Variants in COL11A1 observed in about 807,000 individuals in gnomAD.
The protein encoded by COL11A1 is collagen alpha-1(XI) chain.
Under a neutral mutation model 265.2 loss-of-function variants are expected in COL11A1, and 74 were observed. That is an observed-to-expected ratio of 0.28 (90% CI 0.23 to 0.34). The LOEUF is 0.34. COL11A1 is among the 10% of genes least tolerant of loss of function. The pLI is 1.00. For synonymous variants in COL11A1, 816 were observed against 727.6 expected (o/e 1.12, Z -1.96); for missense variants, 2,165 against 2,263.6 (o/e 0.96, Z 0.88).
Position 102,923,351 on chromosome 1 carries a change from C to G in COL11A1, c.3639G>C (p.Gly1213=). ...AAAAACTTACCATGGGACCAACATC[C>G]CCATTTTCACCTTTTTCACCAGGTG... ...PGPPGEKGEN[G]DVGPMGPPGP... The change falls in exon 47 of 67, where the codon GGG becomes GGC. Residue 1213 remains glycine, a synonymous_variant. Transcript: ENST00000370096. 6.2e-7 allele frequency: 1 copy of G among 1,606,654 alleles called. No homozygotes were observed. Among genetic ancestry groups the G allele is most frequent in the Non-Finnish European group, 8.5e-7 (1 of 1,175,726 alleles).
At chr1:102,939,619 G>A (rs756589235) in intron 43 of COL11A1, among the ~76,000 whole-genome samples, 2 of 151,890 alleles carry the variant, frequency 1.3e-5, no homozygotes, top group Non-Finnish European at 2.9e-5. Context: ...TGGGAGGATC[G>A]CTCAAGTCCA....
intron 20 of COL11A1, among the ~76,000 whole-genome samples, chr1:103,003,918 G>T (rs1665363216): frequency 6.6e-6 from 1 of 152,048 alleles, no homozygotes; most frequent in African/African-American, 2.4e-5. Context: ...TCTAAAATGT[G>T]GCGCAAGGTA....
chr1:103,072,672 T>C (rs78395916), intron 4 of COL11A1, among the ~76,000 whole-genome samples: 7,902 of 151,896 alleles, frequency 0.052, 222 homozygotes, highest in Middle Eastern at 0.093. Context: ...TTTCTAAATT[T>C]GGACTAAACA....
chr1:103,002,588 CATG>C (rs1169475242), intron 22 of COL11A1, 107 bp from the exon 23 acceptor site: 1 of 1,162,240 alleles, frequency 8.6e-7, no homozygotes, highest in African/African-American at 1.5e-5. Flanking sequence ...AGTTTTCCCT[CATG>C]AGATTCTGGA....
At chr1:102,929,572 C>T (rs1045134031) in intron 46 of COL11A1, among the ~76,000 whole-genome samples, 19 of 152,002 alleles carry the variant, frequency 1.2e-4, no homozygotes, top group South Asian at 2.1e-4. Flanking sequence ...CTTGGCAATG[C>T]GGGCTCTTTT....
chr1:103,034,167 A>G (rs1027854956), intron 4 of COL11A1, among the ~76,000 whole-genome samples: 1 of 152,046 alleles, frequency 6.6e-6, no homozygotes, highest in African/African-American at 2.4e-5. Flanking sequence ...TTTGATTATG[A>G]TGTATCTGGA....
chr1:102,947,186 G>A (rs986405697), intron 41 of COL11A1, among the ~76,000 whole-genome samples: 1 of 151,942 alleles, frequency 6.6e-6, no homozygotes, highest in Non-Finnish European at 1.5e-5. Flanking sequence ...TTGATGAGAT[G>A]AAAAAATACA....
chr1:102,972,360 A>G (rs549872535), intron 36 of COL11A1, among the ~76,000 whole-genome samples: 3 of 152,322 alleles, frequency 2.0e-5, no homozygotes, highest in African/African-American at 7.2e-5. Context: ...ATTGCAAAAT[A>G]TTATAATACT....
At chr1:102,934,361 G>T (rs1052981270) in intron 46 of COL11A1, 88 bp downstream of exon 46, 3 of 965,830 alleles carry the variant, frequency 3.1e-6, no homozygotes, top group Non-Finnish European at 3.3e-6. Context: ...TAGAAAAAAA[G>T]AAAAAAATAC....
At chr1:103,088,835 T>C (rs983682503) in intron 1 of COL11A1, among the ~76,000 whole-genome samples, 3 of 152,158 alleles carry the variant, frequency 2.0e-5, no homozygotes, top group Non-Finnish European at 4.4e-5. Context: ...CAAGGAGACA[T>C]GGACACGGAG....
chr1:103,075,565 T>C (rs1206081895), intron 3 of COL11A1, among the ~76,000 whole-genome samples: 1 of 152,164 alleles, frequency 6.6e-6, no homozygotes, highest in Non-Finnish European at 1.5e-5. Context: ...GGCCAGCCCT[T>C]TGGAAATGCA....
chr1:103,013,593 A>T (rs566996004), intron 13 of COL11A1, among the ~76,000 whole-genome samples: 17 of 152,092 alleles, frequency 1.1e-4, no homozygotes, highest in African/African-American at 3.6e-4. Flanking sequence ...AAATAATGAT[A>T]TATTTTCAGA....
At chr1:103,105,081 AT>A (rs11413746) in intron 1 of COL11A1, among the ~76,000 whole-genome samples, 284 of 148,564 alleles carry the variant, frequency 1.9e-3, no homozygotes, top group South Asian at 2.8e-3. Flanking sequence ...ATTCAATTAG[AT>A]TTTTTTTTTT....
At chr1:102,986,819 T>C (rs1007700804) in intron 30 of COL11A1, among the ~76,000 whole-genome samples, 1 of 152,154 alleles carries the variant, frequency 6.6e-6, no homozygotes, top group Non-Finnish European at 1.5e-5. Context: ...CAACACATAA[T>C]GCCCCGTGTC....
intron 1 of COL11A1, among the ~76,000 whole-genome samples, chr1:103,106,839 AT>A (rs1368392383): frequency 6.6e-6 from 1 of 152,100 alleles, no homozygotes; most frequent in African/African-American, 2.4e-5. Flanking sequence ...GCTGACTCTC[AT>A]TAGGGAGAGC....
At chr1:102,981,214 A>G (rs1663003199) in intron 31 of COL11A1, among the ~76,000 whole-genome samples, 2 of 152,280 alleles carry the variant, frequency 1.3e-5, no homozygotes, top group South Asian at 2.1e-4. Context: ...AACAATTATT[A>G]GGATGTGTAA....
chr1:103,002,139 C>T (rs1445571864), intron 23 of COL11A1, among the ~76,000 whole-genome samples, 170 bp from the exon 24 acceptor site: 1 of 152,072 alleles, frequency 6.6e-6, no homozygotes. Context: ...ACACAAGCTG[C>T]TCTTTTTTGC....
At chr1:103,062,064 G>A (rs989677307) in intron 4 of COL11A1, among the ~76,000 whole-genome samples, 4 of 152,056 alleles carry the variant, frequency 2.6e-5, no homozygotes, top group South Asian at 4.1e-4. Context: ...AAAACTCTGT[G>A]CCCACAAATT....
In COL11A1 at chr1:102,964,835, A is replaced by G. The variant is rs149775252; in HGVS notation, c.2916+652T>C. Among the ~76,000 whole-genome samples, 59 of 152,312 alleles carry G rather than the reference A, an allele frequency of 3.9e-4. No homozygotes were observed. The East Asian group carries it at 7.3e-3, about 19-fold the overall frequency. On this transcript the variant is annotated intron_variant, in intron 38 of 66. Transcript: ENST00000370096. ...TTCTGCCCATTCAATATGCTTTGCC[A>G]GGGAAGAAAAACATTATTTTCTATT...
Sources: gnomAD v4.1 joint callset for allele counts (sites outside exome capture counted in the v4.1 genomes callset) on GRCh38, gnomAD v4.1.1 for gene constraint, MANE v1.5 for transcripts, NCBI Gene and HGNC (gene_info 2026-07-23, HGNC 2026-07-21) for gene names.